The following ITGA4 variants were observed in gnomAD, a reference collection of about 807,000 sequenced individuals.
ITGA4 encodes the protein integrin alpha-4.
Under a neutral mutation model 133.6 loss-of-function variants are expected in ITGA4, and 63 were observed. That is an observed-to-expected ratio of 0.47 (90% CI 0.38 to 0.58). The LOEUF (loss-of-function observed/expected upper bound fraction) is 0.58. Ranked by LOEUF, ITGA4 falls within the 20% of genes least tolerant of loss-of-function variation. ITGA4 has a pLI of 0.00. For synonymous variants in ITGA4, 483 were observed against 438.0 expected, an observed-to-expected ratio of 1.10 and a Z score of -1.28; for missense variants, 1,076 against 1,252.7, an observed-to-expected ratio of 0.86 and a Z score of 2.13.
At chr2:181,501,450 G>C (rs188914460) in intron 15 of ITGA4, among the ~76,000 whole-genome samples, 2 of 152,162 alleles carry the variant, frequency 1.3e-5, no homozygotes, top group Non-Finnish European at 2.9e-5. Flanking sequence ...TTTTGGCAGA[G>C]AAGTCACATG....
At chr2:181,464,698 T>C (rs1408795526) in intron 2 of ITGA4, among the ~76,000 whole-genome samples, 1 of 152,140 alleles carries the variant, frequency 6.6e-6, no homozygotes. Flanking sequence ...TGGGATTTGC[T>C]GCACATTTCA....
intron 5 of ITGA4, 22 bp from the exon 6 acceptor site, chr2:181,480,115 A>G: frequency 1.4e-6 from 2 of 1,435,874 alleles, no homozygotes; most frequent in Non-Finnish European, 1.8e-6. Context: ...TTTAAATAAT[A>G]ATAGTTTTTT....
Position 181,537,863 on chromosome 2 carries a change from C to A in ITGA4, c.*2336C>A, listed in dbSNP as rs1287512674. ...TTCTATTAGGATATCCGTTTGGCCACACAGCAGGAGGTTAGAGCAATGGAG... is the reference window on the plus strand; with the variant it reads ...TTCTATTAGGATATCCGTTTGGCCAAACAGCAGGAGGTTAGAGCAATGGAG... On this transcript the variant is annotated 3_prime_UTR_variant, in exon 28 of 28. Transcript: ENST00000397033. 2 of 522,006 alleles carry A rather than the reference C, an allele frequency of 3.8e-6. No individual in the cohort carries two copies. Among genetic ancestry groups the A allele is most frequent in the South Asian group, 3.1e-5 (2 of 64,990 alleles). The allele number at this position is 522,006 out of a possible 1,614,324, so 32.3% of individuals were successfully genotyped here.
intron 17 of ITGA4, among the ~76,000 whole-genome samples, chr2:181,515,327 G>T (rs1195686923): frequency 6.6e-6 from 1 of 151,948 alleles, no homozygotes; most frequent in Non-Finnish European, 1.5e-5. Flanking sequence ...TGTCTTAAAG[G>T]GTAATAATGC....
intron 17 of ITGA4, among the ~76,000 whole-genome samples, chr2:181,517,371 T>C (rs966226693): frequency 3.3e-5 from 5 of 152,108 alleles, no homozygotes; most frequent in Non-Finnish European, 7.4e-5. Context: ...AGCTATATTA[T>C]TCACTCAGAA....
At position 181,523,728 on chromosome 2, in the gene ITGA4, G is replaced by A. The variant is rs949871568; in HGVS notation, c.2169+196G>A. Reference sequence around the variant, plus strand: ...TGGCAATGTTTGCTGTTTTAAAGGGGGTGGCATGTTTACATCGAAATGGGC... The same window carrying A: ...TGGCAATGTTTGCTGTTTTAAAGGGAGTGGCATGTTTACATCGAAATGGGC... On this transcript the variant is annotated intron_variant, in intron 19 of 27. Transcript: ENST00000397033. The surrounding 1 kb of genome is among the most constrained non-coding windows in gnomAD (Gnocchi z 4.2). Among the ~76,000 whole-genome samples, 1 of 152,036 alleles carries A rather than the reference G, an allele frequency of 6.6e-6. No individual in the cohort carries two copies. The highest frequency in any genetic ancestry group is 1.5e-5 in the Non-Finnish European group (1 of 68,016).
rs781416914 is a variant in ITGA4, at chr2:181,538,240, G to A, written c.*2713G>A. 3.8e-5 allele frequency: 59 copies of A among 1,573,206 alleles called. No individual in the cohort carries two copies. The highest frequency in any genetic ancestry group is 6.7e-5 in the Admixed American group (4 of 59,710). Reference sequence around the variant, plus strand: ...CCATAAAGACTGATAAGTCTTGGATGCAATCTGTAAAGAAAATACATTATT... The same window carrying A: ...CCATAAAGACTGATAAGTCTTGGATACAATCTGTAAAGAAAATACATTATT... On this transcript the variant is annotated 3_prime_UTR_variant, in exon 28 of 28. Transcript: ENST00000397033.
chr2:181,496,753 G>A (rs1005515566), intron 14 of ITGA4, among the ~76,000 whole-genome samples: 3 of 152,174 alleles, frequency 2.0e-5, no homozygotes, highest in Non-Finnish European at 4.4e-5. Flanking sequence ...CCTGTGGTAG[G>A]AGAAGAGCAT....
At position 181,523,762 on chromosome 2, in the gene ITGA4, G is replaced by C. The variant is rs1234039807; in HGVS notation, c.2169+230G>C. Among the ~76,000 whole-genome samples the C allele has an allele frequency of 1.3e-5, 2 of 152,094 alleles. No homozygotes were observed. The highest frequency in any genetic ancestry group is 2.9e-5 in the Non-Finnish European group (2 of 68,022). On this transcript the variant is annotated intron_variant, in intron 19 of 27. Transcript: ENST00000397033. The surrounding 1 kb of genome is among the most constrained non-coding windows in gnomAD (Gnocchi z 4.2). ...TTTACATCGAAATGGGCATGTGCAT[G>C]TGTCAATCAGAATTCTGCTCCCCCT...
intron 2 of ITGA4, chr2:181,459,371 A>C (rs961857404): frequency 1.3e-5 from 2 of 152,186 alleles, no homozygotes; most frequent in Non-Finnish European, 1.5e-5. Flanking sequence ...CGGTGAATAA[A>C]ATTGGTACTT....
intron 2 of ITGA4, among the ~76,000 whole-genome samples, chr2:181,470,468 A>AT (rs1322698583): frequency 1.3e-5 from 2 of 152,242 alleles, no homozygotes; most frequent in Admixed American, 1.3e-4. Flanking sequence ...CTTCAAAAAA[A>AT]TTCTTATGTC....
chr2:181,525,775 A>G (rs78361690), intron 21 of ITGA4, among the ~76,000 whole-genome samples: 1 of 152,190 alleles, frequency 6.6e-6, no homozygotes, highest in Admixed American at 6.5e-5. Context: ...TTTTATACCT[A>G]TGGGATCACC....
intron 2 of ITGA4, 194 bp downstream of exon 2, chr2:181,458,511 C>T (rs1430171977): frequency 1.6e-6 from 1 of 634,376 alleles, no homozygotes; most frequent in South Asian, 2.0e-5. Context: ...ATCGTTCTCC[C>T]TTTTCCTTAT....
intron 2 of ITGA4, among the ~76,000 whole-genome samples, chr2:181,462,240 G>A (rs767767279): frequency 2.1e-4 from 32 of 151,976 alleles, no homozygotes; most frequent in Admixed American, 2.6e-4. Flanking sequence ...ATAGTTACTG[G>A]GCCTTCAAGC....
At chr2:181,490,925 AT>A (rs1194460278) in intron 10 of ITGA4, among the ~76,000 whole-genome samples, 2 of 152,378 alleles carry the variant, frequency 1.3e-5, no homozygotes, top group East Asian at 3.9e-4. Flanking sequence ...AAAAGCAATC[AT>A]TAAATACCTA....
chr2:181,504,175 T>C (rs1686342949), intron 15 of ITGA4, among the ~76,000 whole-genome samples: 1 of 152,110 alleles, frequency 6.6e-6, no homozygotes. Context: ...AAAGAATGCC[T>C]GTCCCCAGAG....
intron 4 of ITGA4, among the ~76,000 whole-genome samples, chr2:181,475,596 A>G (rs950968726): frequency 6.6e-6 from 1 of 152,200 alleles, no homozygotes; most frequent in Non-Finnish European, 1.5e-5. Context: ...AATATAGGAC[A>G]TTTAAATTGT....
chr2:181,535,720 AAT>A lies in ITGA4; in HGVS notation c.*195_*196del. On this transcript the variant is annotated 3_prime_UTR_variant, in exon 28 of 28. Transcript: ENST00000397033. ...TTTGAGATAGAAGAACTGCAAAGGT[AAT>A]AATACAGCCAAAGATAATCTCTCAG... The A allele has an allele frequency of 5.6e-6, 3 of 539,704 alleles. No individual in the cohort carries two copies. Among genetic ancestry groups the A allele is most frequent in the Non-Finnish European group, 9.1e-6 (3 of 330,878 alleles). The allele number at this position is 539,704 out of a possible 1,614,324, so 33.4% of individuals were successfully genotyped here. A position where few individuals can be genotyped will look rare whatever the true frequency, so the allele number is the denominator to read the frequency against.
chr2:181,510,908 A>G (rs1297834645), intron 16 of ITGA4, among the ~76,000 whole-genome samples: 1 of 139,910 alleles, frequency 7.1e-6, no homozygotes, highest in African/African-American at 2.5e-5. Flanking sequence ...TTACCAATAG[A>G]AATGGCAGAA....
Sources: gnomAD v4.1 joint callset for allele counts (sites outside exome capture counted in the v4.1 genomes callset) on GRCh38, gnomAD v4.1.1 for gene constraint, Gnocchi (gnomAD v3.1) non-coding constraint, MANE v1.5 for transcripts, NCBI Gene and HGNC (gene_info 2026-07-23, HGNC 2026-07-21) for gene names.